The following TOX2 variants were observed in gnomAD, a reference collection of about 807,000 sequenced individuals.
The protein encoded by TOX2 is TOX high mobility group box family member 2.
TOX2 carries 15 observed loss-of-function variants against 47.4 expected under a neutral mutation model. The observed-to-expected ratio is 0.32, with a 90% confidence interval of 0.21 to 0.49. The LOEUF (loss-of-function observed/expected upper bound fraction) is 0.49, where lower values mean the gene tolerates loss of function less well. Among genes scored for constraint, TOX2 ranks in the 20% least tolerant of loss-of-function variants. The pLI, the probability that TOX2 is intolerant of heterozygous loss-of-function variation, is 0.99. For synonymous variants in TOX2, 290 were observed against 296.6 expected (o/e 0.98, Z 0.23); for missense variants, 622 against 673.1 (o/e 0.92, Z 0.84).
At chr20:43,951,403 C>T (rs1279134700) in intron 1 of TOX2, among the ~76,000 whole-genome samples, 2 of 151,896 alleles carry the variant, frequency 1.3e-5, no homozygotes, top group African/African-American at 4.8e-5. Context: ...GGTGAAACCC[C>T]GTATCTACTA....
At chr20:44,048,388 T>TTTTATATATA (rs1555845973) in intron 3 of TOX2, among the ~76,000 whole-genome samples, 3 of 86,870 alleles carry the variant, frequency 3.5e-5, no homozygotes, top group South Asian at 3.4e-4. Context: ...TAAAATGAAT[T>TTTTATATATA]TATATATATA....
chr20:44,039,072 G>A, intron 3 of TOX2: 7 of 1,278,932 alleles, frequency 5.5e-6, no homozygotes, highest in Non-Finnish European at 6.1e-6. Context: ...CCGGCTGCCT[G>A]CCCAGCCCTC....
intron 3 of TOX2, among the ~76,000 whole-genome samples, chr20:44,021,046 C>T (rs978539779): frequency 3.3e-5 from 5 of 152,068 alleles, no homozygotes; most frequent in Admixed American, 6.6e-5. Context: ...CTGAATCGCA[C>T]GACGCCTCAT....
At chr20:43,922,642 G>A (rs768397930) in intron 1 of TOX2, among the ~76,000 whole-genome samples, 4 of 152,202 alleles carry the variant, frequency 2.6e-5, no homozygotes, top group Non-Finnish European at 5.9e-5. Flanking sequence ...GTGGTAAATT[G>A]TAATTTTATA....
chr20:43,936,319 G>A (rs2069326959), intron 1 of TOX2, among the ~76,000 whole-genome samples: 1 of 152,196 alleles, frequency 6.6e-6, no homozygotes. Flanking sequence ...CATGTTCTTT[G>A]GCTGTGAGTA....
chr20:43,987,529 A>G (rs541494421), intron 2 of TOX2, among the ~76,000 whole-genome samples: 5 of 152,334 alleles, frequency 3.3e-5, no homozygotes, highest in Non-Finnish European at 7.4e-5. Context: ...ATGCTTCAAT[A>G]AGGTGTAAAA....
At chr20:43,935,529 C>T (rs2069314506) in intron 1 of TOX2, among the ~76,000 whole-genome samples, 1 of 152,156 alleles carries the variant, frequency 6.6e-6, no homozygotes, top group South Asian at 2.1e-4. Context: ...TCTTATTTAA[C>T]CCCTACAACA....
chr20:44,029,637 T>A (rs1276033046), intron 3 of TOX2, among the ~76,000 whole-genome samples: 1 of 152,160 alleles, frequency 6.6e-6, no homozygotes, highest in Non-Finnish European at 1.5e-5. Context: ...CTTCTGCAGT[T>A]AGGATCCCCA....
chr20:43,969,576 C>T (rs1004242732), intron 1 of TOX2, among the ~76,000 whole-genome samples: 1 of 152,224 alleles, frequency 6.6e-6, no homozygotes. Context: ...CCCTCAGTGT[C>T]CCCCAACTAT....
In TOX2 at chr20:43,936,786, C is replaced by T. The variant is rs565214882; in HGVS notation, c.99+21796C>T. On this transcript the variant is annotated intron_variant, in intron 1 of 8. Transcript: ENST00000341197. ...CCATTTGTCAAATACAAGCATATGG[C>T]CAAGCCCATATTCAAAGCATAAAGA... Among the ~76,000 whole-genome samples, 3 of 152,306 alleles carry T rather than the reference C, an allele frequency of 2.0e-5. No homozygotes were observed. In the East Asian group the frequency reaches 5.8e-4, roughly 29 times the overall value.
chr20:44,050,357 C>G (rs537391129), intron 3 of TOX2, among the ~76,000 whole-genome samples: 1 of 152,148 alleles, frequency 6.6e-6, no homozygotes, highest in Non-Finnish European at 1.5e-5. Flanking sequence ...AAGAAACAAC[C>G]CACATAAAAC....
At chr20:43,936,743 G>A (rs2069331041) in intron 1 of TOX2, among the ~76,000 whole-genome samples, 1 of 152,222 alleles carries the variant, frequency 6.6e-6, no homozygotes, top group Non-Finnish European at 1.5e-5. Context: ...CTCTGCTTGT[G>A]TCACCTTTGT....
intron 3 of TOX2, among the ~76,000 whole-genome samples, chr20:44,048,586 A>T (rs1310210698): frequency 6.6e-6 from 1 of 151,492 alleles, no homozygotes; most frequent in Non-Finnish European, 1.5e-5. Context: ...TCCAGGGCAT[A>T]AGGGAAGAGT....
chr20:43,964,115 C>T (rs1012551770), intron 1 of TOX2, among the ~76,000 whole-genome samples: 30 of 151,330 alleles, frequency 2.0e-4, no homozygotes, highest in African/African-American at 7.0e-4. Flanking sequence ...AAAAAACCAA[C>T]AGCTTGAAAG....
chr20:43,986,256 A>AATGAATGTATGTATGTATGT (rs140249301), intron 2 of TOX2, among the ~76,000 whole-genome samples: 1 of 149,660 alleles, frequency 6.7e-6, no homozygotes, highest in African/African-American at 2.5e-5. Flanking sequence ...AGCCTTTTAA[A>AATGAATGTATGTATGTATGT]ATGTATGTAT....
chr20:44,065,597 C>A, intron 6 of TOX2, 115 bp from the exon 7 acceptor site: 1 of 1,314,476 alleles, frequency 7.6e-7, no homozygotes, highest in Non-Finnish European at 1.1e-6. Context: ...AGCTCTCTCC[C>A]AAGACAGCCA....
chr20:44,005,483 G>A (rs1390016168), intron 2 of TOX2, among the ~76,000 whole-genome samples: 1 of 152,112 alleles, frequency 6.6e-6, no homozygotes, highest in South Asian at 2.1e-4. Flanking sequence ...TATGAGACAG[G>A]AAAATTATAG....
intron 1 of TOX2, among the ~76,000 whole-genome samples, chr20:43,958,170 T>C (rs964339271): frequency 4.7e-4 from 71 of 152,204 alleles, no homozygotes; most frequent in African/African-American, 1.7e-3. Flanking sequence ...CATTGTACTT[T>C]TCCTTCTGTT....
chr20:44,006,520 C>T (rs1179753604), intron 2 of TOX2, 27 bp from the exon 3 acceptor site: 6 of 1,589,056 alleles, frequency 3.8e-6, no homozygotes, highest in Non-Finnish European at 5.1e-6. Context: ...CACTGACCCC[C>T]ACCGACATGT....
Sources: allele counts gnomAD v4.1 joint callset (sites outside exome capture counted in the v4.1 genomes callset), GRCh38; gene constraint gnomAD v4.1.1; transcripts MANE v1.5; gene names NCBI Gene and HGNC (gene_info 2026-07-23, HGNC 2026-07-21).